Variants in SBF2 observed in about 807,000 individuals in gnomAD.
SBF2 encodes the protein SET binding factor 2.
In SBF2, 112 loss-of-function variants were observed where a neutral mutation model predicts 225.2. The observed-to-expected ratio is 0.50, with a 90% CI of 0.43 to 0.58. The LOEUF (loss-of-function observed/expected upper bound fraction) is 0.58, where lower values mean the gene tolerates loss of function less well. SBF2 is among the 20% of genes least tolerant of loss of function. SBF2 has a pLI of 0.00. For synonymous variants in SBF2, 763 were observed against 773.3 expected, an observed-to-expected ratio of 0.99 and a Z score of 0.22; for missense variants, 1,996 against 2,206.2, an observed-to-expected ratio of 0.90 and a Z score of 1.91.
intron 1 of SBF2, among the ~76,000 whole-genome samples, chr11:10,247,476 T>A (rs1487374288): frequency 6.7e-6 from 1 of 149,256 alleles, no homozygotes; most frequent in East Asian, 2.0e-4. Flanking sequence ...AGGTCAGGAG[T>A]TCGAGACCAG....
chr11:10,284,370 C>T (rs965261470), intron 1 of SBF2, among the ~76,000 whole-genome samples: 1 of 152,154 alleles, frequency 6.6e-6, no homozygotes, highest in African/African-American at 2.4e-5. Flanking sequence ...TTTATCACCA[C>T]AAAAATTCCT....
chr11:10,116,830 C>T lies in SBF2; in HGVS notation c.142-73849G>A, dbSNP rs191863791. ...TCAGGCCCATTCAAGTCTTAATCTA[C>T]GTCATTTTGAGCTCCTATTTATAGC... On this transcript the variant is annotated intron_variant, in intron 2 of 39. Coordinates refer to ENST00000256190, the MANE Select transcript of SBF2 (RefSeq NM_030962.4). 3.5e-4 allele frequency among the ~76,000 whole-genome samples: 54 copies of T among 152,270 alleles called. No individual in the cohort carries two copies. In the South Asian group the frequency reaches 4.6e-3, roughly 13 times the overall value.
chr11:10,063,960 G>T (rs1051843870), intron 2 of SBF2, among the ~76,000 whole-genome samples: 1 of 151,914 alleles, frequency 6.6e-6, no homozygotes. Context: ...AGGCGTCGGG[G>T]GGAGCAAAAA....
At chr11:10,139,633 T>C (rs553848112) in intron 2 of SBF2, among the ~76,000 whole-genome samples, 2 of 152,348 alleles carry the variant, frequency 1.3e-5, no homozygotes, top group Admixed American at 6.5e-5. Context: ...TGGGCTAAAA[T>C]TGCTCCCGTA....
At chr11:9,788,007 G>A in intron 35 of SBF2, 2 of 478,948 alleles carry the variant, frequency 4.2e-6, no homozygotes, top group South Asian at 4.2e-5. Flanking sequence ...TGTGAAATAT[G>A]TATCTCAGAC....
intron 1 of SBF2, among the ~76,000 whole-genome samples, chr11:10,197,726 T>C (rs1290598500): frequency 6.6e-6 from 1 of 152,230 alleles, no homozygotes; most frequent in African/African-American, 2.4e-5. Context: ...TTGAAATCAT[T>C]CCTCTCAAAC....
intron 22 of SBF2, among the ~76,000 whole-genome samples, chr11:9,849,617 ATAGT>A (rs1235988340): frequency 6.6e-6 from 1 of 152,228 alleles, no homozygotes; most frequent in Non-Finnish European, 1.5e-5. Flanking sequence ...CAACCTTGTG[ATAGT>A]TAGCATATCC....
At chr11:9,915,953 A>G (rs1304784063) in intron 16 of SBF2, among the ~76,000 whole-genome samples, 1 of 152,102 alleles carries the variant, frequency 6.6e-6, no homozygotes, top group East Asian at 1.9e-4. Flanking sequence ...AACCCCAGCT[A>G]CTCTGGAAGC....
intron 2 of SBF2, among the ~76,000 whole-genome samples, chr11:10,074,366 T>C (rs1010856339): frequency 8.5e-5 from 13 of 152,180 alleles, no homozygotes; most frequent in Non-Finnish European, 1.9e-4. Context: ...TTTGAATCAA[T>C]ATTCTCAGAA....
rs185850674 is a variant in SBF2 at position 10,147,903 on chromosome 11, G to T, written c.141+45999C>A. ...CAATAAATAGCAGCTACTAGAAAAA[G>T]TTACTTATAAATGTTCTCAGCTTCA... On this transcript the variant is annotated intron_variant, in intron 2 of 39. Coordinates refer to ENST00000256190, the MANE Select transcript of SBF2 (RefSeq NM_030962.4). Among the ~76,000 whole-genome samples, 258 of 152,146 alleles carry T rather than the reference G, an allele frequency of 1.7e-3. 1 individual carries two copies. The highest frequency in any genetic ancestry group is 5.9e-3 in the African/African-American group (247 of 41,518).
At chr11:10,088,694 C>A (rs1951669862) in intron 2 of SBF2, among the ~76,000 whole-genome samples, 1 of 152,228 alleles carries the variant, frequency 6.6e-6, no homozygotes, top group African/African-American at 2.4e-5. Context: ...CCATCCCCTG[C>A]AGAAAGGTAT....
intron 1 of SBF2, among the ~76,000 whole-genome samples, chr11:10,221,434 A>T (rs1409416420): frequency 1.3e-5 from 2 of 152,156 alleles, no homozygotes; most frequent in African/African-American, 4.8e-5. Flanking sequence ...GTTACTTCCT[A>T]AGAGCTGTGG....
At chr11:9,820,736 C>G (rs576099068) in intron 28 of SBF2, among the ~76,000 whole-genome samples, 1 of 152,100 alleles carries the variant, frequency 6.6e-6, no homozygotes, top group Non-Finnish European at 1.5e-5. Context: ...CACATTGTGT[C>G]GATTATCTGT....
At chr11:10,027,401 A>G (rs1949091404) in intron 6 of SBF2, among the ~76,000 whole-genome samples, 1 of 152,218 alleles carries the variant, frequency 6.6e-6, no homozygotes, top group South Asian at 2.1e-4. Context: ...GCAGAAGTAT[A>G]TGGATAGGGA....
At chr11:10,230,587 T>C (rs1198039954) in intron 1 of SBF2, among the ~76,000 whole-genome samples, 1 of 152,210 alleles carries the variant, frequency 6.6e-6, no homozygotes, top group Non-Finnish European at 1.5e-5. Context: ...TTTGGCTGGA[T>C]ATGAAATTCT....
intron 2 of SBF2, among the ~76,000 whole-genome samples, chr11:10,177,203 G>C (rs1308068831): frequency 6.6e-6 from 1 of 151,822 alleles, no homozygotes; most frequent in Non-Finnish European, 1.5e-5. Flanking sequence ...AAAATAATAA[G>C]AGCTATCTAT....
intron 2 of SBF2, among the ~76,000 whole-genome samples, chr11:10,126,486 G>A (rs1240358804): frequency 6.6e-6 from 1 of 152,054 alleles, no homozygotes; most frequent in Non-Finnish European, 1.5e-5. Flanking sequence ...GATGACTACA[G>A]CAATAGAAGG....
Position 10,070,098 on chromosome 11 carries a change from C to T in SBF2, c.142-27117G>A, listed in dbSNP as rs537958789. On this transcript the variant is annotated intron_variant, in intron 2 of 39. Coordinates refer to ENST00000256190, the MANE Select transcript of SBF2 (RefSeq NM_030962.4). The stretch of plus-strand genomic sequence containing the variant: ...TAGACTGCAAAATTTTTCTCCCATT[C>T]TGTAGGTTGCCTGTTCACTCTGATG... Among the ~76,000 whole-genome samples, 8 of 152,208 alleles carry T rather than the reference C, an allele frequency of 5.3e-5. No homozygotes were observed. In the East Asian group the frequency reaches 1.5e-3, roughly 29 times the overall value.
Position 10,195,997 on chromosome 11 carries a change from G to A in SBF2, c.56-2010C>T, listed in dbSNP as rs1054464554. Among the ~76,000 whole-genome samples the A allele has an allele frequency of 2.6e-5, 4 of 152,108 alleles. No homozygotes were observed. The South Asian group carries it at 8.3e-4, about 32-fold the overall frequency. On this transcript the variant is annotated intron_variant, in intron 1 of 39. Transcript: ENST00000256190. ...GAGGTACACAAATGAAAAAGACATA[G>A]TCCCTATCCTAAAGGAACTCATAAT...
Sources: allele counts gnomAD v4.1 joint callset (sites outside exome capture counted in the v4.1 genomes callset), GRCh38; gene constraint gnomAD v4.1.1; transcripts MANE v1.5; gene names NCBI Gene and HGNC (gene_info 2026-07-23, HGNC 2026-07-21).